The following PCDH15 variants were observed in gnomAD, a reference collection of about 807,000 sequenced individuals.
PCDH15 encodes protocadherin related 15, also known as protocadherin-15.
A neutral mutation model predicts 178.5 loss-of-function variants in PCDH15; 129 were observed. The ratio of observed to expected loss-of-function variants is 0.72; its 90% CI spans 0.63 to 0.84. The LOEUF is 0.84. Among genes scored for constraint, PCDH15 ranks in the 40% least tolerant of loss-of-function variants. The pLI, the probability that PCDH15 is intolerant of heterozygous loss-of-function variation, is 0.00. For synonymous variants in PCDH15, 800 were observed against 732.0 expected (o/e 1.09, Z -1.50); for missense variants, 2,230 against 2,099.9 (o/e 1.06, Z -1.21).
At position 54,642,308 on chromosome 10, in the gene PCDH15, T is replaced by C. The variant is rs144458463; in HGVS notation, c.91+21864A>G. On this transcript the variant is annotated intron_variant, in intron 2 of 37. Transcript: ENST00000644397. ...GCCTCCAGAACTATGAACAATAATT[T>C]TTTGTTCCTTATAAGCAGTTTAAAG... Among the ~76,000 whole-genome samples the C allele has an allele frequency of 1.5e-3, 227 of 152,310 alleles. 1 individual carries two copies. The highest frequency in any genetic ancestry group is 5.2e-3 in the African/African-American group (216 of 41,548).
At chr10:53,934,659 A>G (rs1387131991) in intron 25 of PCDH15, among the ~76,000 whole-genome samples, 1 of 151,850 alleles carries the variant, frequency 6.6e-6, no homozygotes. Context: ...CACATGAAGA[A>G]GCAAGTCATC....
rs2132500951 is a variant in PCDH15, at chr10:53,822,782, T to G, written c.4368-2552A>C. 1 of 1,614,132 alleles carries G rather than the reference T, an allele frequency of 6.2e-7. No homozygotes were observed. The highest frequency in any genetic ancestry group is 8.5e-7 in the Non-Finnish European group (1 of 1,179,968). On this transcript the variant is annotated intron_variant, in intron 32 of 37. Transcript: ENST00000644397. ...AGAGAGATTTCAACTGTTCTGTTCC[T>G]TCTATCATCAGTGTTTCACCTTGCC...
At chr10:53,835,940 C>G (rs1789596451) in intron 29 of PCDH15, among the ~76,000 whole-genome samples, 1 of 152,142 alleles carries the variant, frequency 6.6e-6, no homozygotes, top group South Asian at 2.1e-4. Flanking sequence ...AGGAACAAAT[C>G]AGCAAGGCTG....
chr10:54,825,647 T>C (rs1257414195), intron 3 of PCDH15, among the ~76,000 whole-genome samples: 2 of 151,746 alleles, frequency 1.3e-5, no homozygotes, highest in Non-Finnish European at 2.9e-5. Context: ...TTTTTTCATG[T>C]GTTTTTTGGC....
chr10:54,104,349 T>C (rs994309920), intron 15 of PCDH15, among the ~76,000 whole-genome samples: 1 of 152,122 alleles, frequency 6.6e-6, no homozygotes, highest in Non-Finnish European at 1.5e-5. Context: ...TTCCAATCAA[T>C]GCCCTCACTT....
chr10:54,928,368 C>T (rs1226272352), intron 2 of PCDH15, among the ~76,000 whole-genome samples: 1 of 152,096 alleles, frequency 6.6e-6, no homozygotes, highest in Non-Finnish European at 1.5e-5. Flanking sequence ...CTGCCATTAA[C>T]ATTTCTTTCT....
exon 2 of PCDH15, chr10:55,627,751 C>G (rs1564491177): frequency 6.6e-6 from 1 of 152,052 alleles, no homozygotes; most frequent in Non-Finnish European, 1.5e-5. Flanking sequence ...GCTTCTCTCT[C>G]GACTAGTTAC....
intron 3 of PCDH15, among the ~76,000 whole-genome samples, chr10:54,414,029 A>G (rs532205912): frequency 2.6e-5 from 4 of 152,266 alleles, no homozygotes; most frequent in Admixed American, 6.5e-5. Context: ...GCCTCTCACT[A>G]CTACACAATA....
intron 1 of PCDH15, among the ~76,000 whole-genome samples, chr10:54,786,402 A>G (rs1442612162): frequency 6.6e-6 from 1 of 152,062 alleles, no homozygotes; most frequent in Non-Finnish European, 1.5e-5. Flanking sequence ...TTTCCAAAAT[A>G]ACAGATAAAA....
At chr10:54,823,183 A>G (rs532051959) in intron 3 of PCDH15, among the ~76,000 whole-genome samples, 2 of 148,228 alleles carry the variant, frequency 1.3e-5, no homozygotes, top group East Asian at 4.1e-4. Flanking sequence ...ATGGGTTAAT[A>G]TATTTTTTAA....
intron 2 of PCDH15, among the ~76,000 whole-genome samples, chr10:55,099,902 A>C (rs1842536492): frequency 1.3e-5 from 2 of 152,140 alleles, no homozygotes. Context: ...ATATAAAACA[A>C]ACAGAAGAGA....
At chr10:54,245,669 G>T (rs2055849175) in intron 8 of PCDH15, among the ~76,000 whole-genome samples, 1 of 151,918 alleles carries the variant, frequency 6.6e-6, no homozygotes, top group African/African-American at 2.4e-5. Flanking sequence ...CCCAAAAATT[G>T]GAACTGTTGA....
intron 2 of PCDH15, among the ~76,000 whole-genome samples, chr10:54,933,175 C>G (rs544747693): frequency 1.3e-5 from 2 of 150,860 alleles, no homozygotes; most frequent in South Asian, 4.2e-4. Flanking sequence ...TAAGTACACT[C>G]TATGATGTTC....
At chr10:55,065,387 A>G (rs1467702835) in intron 2 of PCDH15, among the ~76,000 whole-genome samples, 1 of 151,988 alleles carries the variant, frequency 6.6e-6, no homozygotes, top group African/African-American at 2.4e-5. Flanking sequence ...TGAATCATTC[A>G]GGTTTCGGTT....
chr10:53,954,600 AC>A (rs1182579607), intron 23 of PCDH15, among the ~76,000 whole-genome samples: 1 of 152,204 alleles, frequency 6.6e-6, no homozygotes, highest in Admixed American at 6.5e-5. Flanking sequence ...TACTTCTGTG[AC>A]CAAGACACTG....
chr10:55,401,594 C>CTGTGTGTGTGTGTGTGTGTG (rs3074786), intron 2 of PCDH15, among the ~76,000 whole-genome samples: 51 of 133,180 alleles, frequency 3.8e-4, no homozygotes, highest in African/African-American at 1.3e-3. Context: ...ATTTGCCTTA[C>CTGTGTGTGTGTGTGTGTGTG]TGTGTGTGTG....
intron 2 of PCDH15, among the ~76,000 whole-genome samples, chr10:55,538,510 T>TCCC (rs1841651013): frequency 2.6e-5 from 1 of 37,968 alleles, no homozygotes; most frequent in Admixed American, 2.9e-4. Flanking sequence ...TCCTTCCTTC[T>TCCC]TTCCTTCCTT....
intron 2 of PCDH15, among the ~76,000 whole-genome samples, chr10:55,463,273 A>G (rs1839719110): frequency 1.3e-5 from 2 of 152,132 alleles, no homozygotes. Context: ...AGTTATACTG[A>G]TAAGAAATCT....
At chr10:55,114,949 T>G (rs1591914033) in intron 2 of PCDH15, among the ~76,000 whole-genome samples, 2 of 152,296 alleles carry the variant, frequency 1.3e-5, no homozygotes, top group South Asian at 4.1e-4. Flanking sequence ...ATACACAAAT[T>G]AAAAAGACTA....
Sources: allele counts gnomAD v4.1 joint callset (sites outside exome capture counted in the v4.1 genomes callset), GRCh38; gene constraint gnomAD v4.1.1; transcripts MANE v1.5; gene names NCBI Gene and HGNC (gene_info 2026-07-23, HGNC 2026-07-21).